DNMBP: variants seen among roughly 807,000 people sequenced by gnomAD.
DNMBP encodes the protein dynamin binding protein, also known as dynamin-binding protein.
DNMBP carries 87 observed loss-of-function variants against 150.0 expected under a neutral mutation model. The ratio of observed to expected loss-of-function variants is 0.58; its 90% confidence interval spans 0.49 to 0.69. The LOEUF is 0.69. DNMBP is among the 30% of genes least tolerant of loss of function. The pLI, the probability that DNMBP is intolerant of heterozygous loss-of-function variation, is 0.00. For missense variants in DNMBP, 1,774 were observed against 1,949.0 expected (o/e 0.91, Z 1.69); for synonymous variants, 711 against 750.4 (o/e 0.95, Z 0.86).
In DNMBP at chr10:99,911,091, T is replaced by C. The variant is rs529489014; in HGVS notation, c.2261-1945A>G. 3.3e-5 allele frequency among the ~76,000 whole-genome samples: 5 copies of C among 151,846 alleles called. No individual in the cohort carries two copies. In the East Asian group the frequency reaches 5.8e-4, roughly 18 times the overall value. On this transcript the variant is annotated intron_variant, in intron 4 of 16. Transcript: ENST00000324109. The stretch of plus-strand genomic sequence containing the variant: ...TCACCTCTACAAAAAATACAAAAAT[T>C]AGCAGCACATGGACTGGCACACACC...
At chr10:99,965,697 A>G (rs1026323189) in intron 3 of DNMBP, among the ~76,000 whole-genome samples, 5 of 152,082 alleles carry the variant, frequency 3.3e-5, no homozygotes, top group African/African-American at 1.2e-4. Flanking sequence ...GGGTTTCACC[A>G]TGTTGGCCAG....
chr10:99,939,215 C>T (rs1294606720), intron 4 of DNMBP, among the ~76,000 whole-genome samples: 1 of 152,140 alleles, frequency 6.6e-6, no homozygotes, highest in Non-Finnish European at 1.5e-5. Flanking sequence ...GTCAACAACT[C>T]CTCACTCTCT....
intron 1 of DNMBP, among the ~76,000 whole-genome samples, chr10:99,977,830 A>G (rs2040744722): frequency 6.6e-6 from 1 of 152,182 alleles, no homozygotes; most frequent in African/African-American, 2.4e-5. Flanking sequence ...ATTCATATCA[A>G]AATCTCAAGT....
At chr10:99,931,010 G>A (rs901030446) in intron 4 of DNMBP, 13 of 391,738 alleles carry the variant, frequency 3.3e-5, no homozygotes, top group African/African-American at 2.7e-4. Flanking sequence ...TAACTAGTAT[G>A]CATGTGATTG....
At chr10:99,938,872 G>T (rs2133300901) in intron 4 of DNMBP, among the ~76,000 whole-genome samples, 1 of 152,256 alleles carries the variant, frequency 6.6e-6, no homozygotes, top group East Asian at 1.9e-4. Flanking sequence ...CCCTCCTTCA[G>T]CACCCCCTCT....
intron 16 of DNMBP, 134 bp from the exon 17 acceptor site, chr10:99,877,470 G>T: frequency 3.3e-6 from 2 of 599,530 alleles, no homozygotes; most frequent in South Asian, 2.7e-5. Flanking sequence ...TGGCCAGTGA[G>T]ACAGAGGAAC....
At chr10:99,900,925 A>G (rs2039729349) in intron 6 of DNMBP, among the ~76,000 whole-genome samples, 1 of 152,148 alleles carries the variant, frequency 6.6e-6, no homozygotes, top group Admixed American at 6.5e-5. Flanking sequence ...AACTTATGAT[A>G]TAGTAACCTA....
chr10:99,891,196 C>CTCCCTCTCCCCACG (rs2039553004), intron 11 of DNMBP, among the ~76,000 whole-genome samples: 2 of 143,698 alleles, frequency 1.4e-5, no homozygotes, highest in Admixed American at 6.9e-5. Context: ...CTCTCCCCAC[C>CTCCCTCTCCCCACG]GTCTCCCTCT....
intron 3 of DNMBP, among the ~76,000 whole-genome samples, chr10:99,961,300 G>A (rs1347203454): frequency 8.0e-6 from 1 of 125,328 alleles, no homozygotes; most frequent in African/African-American, 3.1e-5. Context: ...TGTGGAGACA[G>A]GGTCTCACCC....
chr10:100,009,727 G>T (rs1345837997), intron 1 of DNMBP, 111 bp downstream of exon 1: 4 of 150,772 alleles, frequency 2.7e-5, no homozygotes, highest in African/African-American at 4.9e-5. Flanking sequence ...GCCGCGCGGC[G>T]CGGCGCGGCG....
intron 11 of DNMBP, among the ~76,000 whole-genome samples, chr10:99,893,472 A>C (rs942543494): frequency 1.3e-4 from 20 of 152,256 alleles, no homozygotes; most frequent in African/African-American, 4.8e-4. Flanking sequence ...GCGGTGGCTC[A>C]CGCCTGTAAT....
chr10:99,885,620 G>A (rs1259349536), intron 14 of DNMBP, 67 bp downstream of exon 14: 23 of 1,392,374 alleles, frequency 1.7e-5, no homozygotes, highest in Admixed American at 2.5e-5. Flanking sequence ...CTGGGCCTGG[G>A]GGCCTGGCTG....
chr10:99,889,713 C>A (rs990002338), intron 11 of DNMBP, among the ~76,000 whole-genome samples: 1 of 152,106 alleles, frequency 6.6e-6, no homozygotes, highest in Non-Finnish European at 1.5e-5. Context: ...CCCAAACAAA[C>A]TAAATACTCC....
chr10:99,901,080 T>G (rs79571218), intron 6 of DNMBP, among the ~76,000 whole-genome samples: 1 of 152,082 alleles, frequency 6.6e-6, no homozygotes, highest in Non-Finnish European at 1.5e-5. Flanking sequence ...GGACTACAGA[T>G]GTGCGCTGCC....
At chr10:99,999,826 G>T (rs2040990910) in intron 1 of DNMBP, among the ~76,000 whole-genome samples, 1 of 152,192 alleles carries the variant, frequency 6.6e-6, no homozygotes, top group South Asian at 2.1e-4. Context: ...TATATAAGTG[G>T]ATTTGGGCCA....
intron 1 of DNMBP, among the ~76,000 whole-genome samples, chr10:99,977,979 G>A (rs1036716991): frequency 1.3e-5 from 2 of 152,136 alleles, no homozygotes; most frequent in Middle Eastern, 3.2e-3. Flanking sequence ...TAATGTCTTG[G>A]ACTTCTTCAT....
At chr10:99,970,947 G>A (rs1239056929) in intron 2 of DNMBP, among the ~76,000 whole-genome samples, 5 of 108,302 alleles carry the variant, frequency 4.6e-5, no homozygotes, top group Non-Finnish European at 5.7e-5. Context: ...ACTCCAGCCT[G>A]GGCAACAGAG....
chr10:99,879,334 T>G (rs2039327774), intron 16 of DNMBP, among the ~76,000 whole-genome samples: 1 of 151,646 alleles, frequency 6.6e-6, no homozygotes, highest in African/African-American at 2.4e-5. Flanking sequence ...TGTGTTGGTG[T>G]ACACCTGTAA....
chr10:99,898,242 G>T lies in DNMBP; in HGVS notation c.2764C>A (p.Pro922Thr). The T allele has an allele frequency of 6.2e-7, 1 of 1,614,018 alleles. No individual in the cohort carries two copies. Among genetic ancestry groups the T allele is most frequent in the Non-Finnish European group, 8.5e-7 (1 of 1,179,972 alleles). Residue 922 changes from proline to threonine, a missense_variant, in exon 9 of 17, where the codon CCA (proline) becomes ACA (threonine). This residue lies in a region of DNMBP where 1,430 missense variants were observed against 1,492.5 expected (regional missense o/e 0.96). Coordinates refer to ENST00000324109, the MANE Select transcript of DNMBP (RefSeq NM_015221.4). Reference sequence around the variant, plus strand: ...GGGTAACGCATTACTCTCTGTACTGGTTTGATGAGGAAGGAGCCCAGGTTA... The same window carrying T: ...GGGTAACGCATTACTCTCTGTACTGTTTTGATGAGGAAGGAGCCCAGGTTA... ...YINLGSFLIK[P>T]VQRVMRYPLL... is the part of the protein sequence containing the mutation.
Sources: gnomAD v4.1 joint callset for allele counts (sites outside exome capture counted in the v4.1 genomes callset) on GRCh38, gnomAD v4.1.1 for gene constraint, gnomAD v4.1.1 regional missense constraint, MANE v1.5 for transcripts, NCBI Gene and HGNC (gene_info 2026-07-23, HGNC 2026-07-21) for gene names.